The following MACF1 variants were observed in gnomAD, a reference collection of about 807,000 sequenced individuals.
MACF1 encodes the protein microtubule-actin cross-linking factor 1.
Under a neutral mutation model 854.8 loss-of-function variants are expected in MACF1, and 193 were observed. The ratio of observed to expected loss-of-function variants is 0.23; its 90% confidence interval spans 0.20 to 0.25. MACF1 has a LOEUF of 0.25. Among genes scored for constraint, MACF1 ranks in the 10% least tolerant of loss-of-function variants. MACF1 has a pLI of 1.00. For synonymous variants in MACF1, 3,185 were observed against 3,226.7 expected, an observed-to-expected ratio of 0.99 and a Z score of 0.44; for missense variants, 7,722 against 8,929.1, an observed-to-expected ratio of 0.86 and a Z score of 5.45.
At chr1:39,191,640 T>C (rs540328362) in intron 2 of MACF1, among the ~76,000 whole-genome samples, 1 of 152,348 alleles carries the variant, frequency 6.6e-6, no homozygotes, top group East Asian at 1.9e-4. Context: ...TGTGATGCTG[T>C]GTGATAGCAG....
intron 58 of MACF1, among the ~76,000 whole-genome samples, chr1:39,390,398 G>A (rs1641985914): frequency 1.3e-5 from 2 of 152,316 alleles, no homozygotes; most frequent in Middle Eastern, 3.4e-3. Context: ...AAATGTGGCT[G>A]TTTCAGAAGG....
chr1:39,443,375 T>C (rs1570101661), intron 78 of MACF1, 71 bp from the exon 79 acceptor site: 1 of 1,506,818 alleles, frequency 6.6e-7, no homozygotes, highest in African/African-American at 1.4e-5. Flanking sequence ...ACTCCTCATA[T>C]CATTTGGAAA....
At chr1:39,102,192 A>G (rs971474070) in intron 2 of MACF1, among the ~76,000 whole-genome samples, 2 of 21,556 alleles carry the variant, frequency 9.3e-5, no homozygotes, top group African/African-American at 4.4e-4. Flanking sequence ...GAAGAAAAAG[A>G]AAGAGAGAGA....
intron 2 of MACF1, among the ~76,000 whole-genome samples, chr1:39,088,189 G>T (rs1460885607): frequency 6.6e-6 from 1 of 151,976 alleles, no homozygotes; most frequent in Non-Finnish European, 1.5e-5. Flanking sequence ...AGCCAGGATG[G>T]TCTCCATCTC....
chr1:39,395,543 T>G (rs756225123), intron 58 of MACF1, among the ~76,000 whole-genome samples: 2 of 152,202 alleles, frequency 1.3e-5, no homozygotes, highest in Non-Finnish European at 2.9e-5. Flanking sequence ...ATGCAGGTGT[T>G]TGGTTGATGA....
At chr1:39,405,274 A>C (rs1162934461) in intron 58 of MACF1, among the ~76,000 whole-genome samples, 1 of 152,242 alleles carries the variant, frequency 6.6e-6, no homozygotes, top group Non-Finnish European at 1.5e-5. Flanking sequence ...GGTACAGACT[A>C]ATACTGTGGA....
intron 61 of MACF1, among the ~76,000 whole-genome samples, chr1:39,425,210 A>G (rs1227464025): frequency 6.6e-6 from 1 of 151,652 alleles, no homozygotes; most frequent in East Asian, 1.9e-4. Context: ...AATTCTGTCT[A>G]TTTTACTTTA....
At chr1:39,485,455 G>T (rs1474731673) in intron 100 of MACF1, 83 bp from the exon 101 acceptor site, 1 of 1,431,536 alleles carries the variant, frequency 7.0e-7, no homozygotes, top group Non-Finnish European at 9.3e-7. Flanking sequence ...GATCACACAG[G>T]ATCAGAACCC....
chr1:39,151,494 TC>T (rs1467659113), intron 2 of MACF1, among the ~76,000 whole-genome samples: 3 of 152,176 alleles, frequency 2.0e-5, no homozygotes, highest in African/African-American at 7.2e-5. Context: ...AGCTTTCATT[TC>T]CTGCCATTAT....
Position 39,448,480 on chromosome 1 carries a change from G to A in MACF1, c.20089-114G>A, listed in dbSNP as rs16826152. ...TATGGTTAATTTTAGTTCAAAAAAAGTGGTGATATTCATACTTTATTTGGT... is the reference window on the plus strand; with the variant it reads ...TATGGTTAATTTTAGTTCAAAAAAAATGGTGATATTCATACTTTATTTGGT... On this transcript the variant is annotated intron_variant, in intron 83 of 100. Transcript: ENST00000564288. 0.011 allele frequency: 9,041 copies of A among 815,140 alleles called. 519 individuals carry two copies. In the African/African-American group the frequency reaches 0.13, roughly 12 times the overall value. 50.5% of individuals were successfully genotyped at this position (815,140 alleles called of 1,614,324 possible).
chr1:39,452,009 G>T, intron 85 of MACF1, 147 bp from the exon 86 acceptor site: 1 of 662,766 alleles, frequency 1.5e-6, no homozygotes, highest in Non-Finnish European at 2.5e-6. Flanking sequence ...CGCCCGGCCT[G>T]GTTGTTTTTT....
chr1:39,119,317 CAAAAAAAAAAA>C (rs745686071), intron 2 of MACF1, among the ~76,000 whole-genome samples: 1 of 84,762 alleles, frequency 1.2e-5, no homozygotes, highest in Non-Finnish European at 2.3e-5. Flanking sequence ...AACTCCGTCT[CAAAAAAAAAAA>C]AAAAAAAAAA....
intron 89 of MACF1, chr1:39,456,748 A>C (rs1251903338): frequency 6.6e-6 from 1 of 152,096 alleles, no homozygotes; most frequent in African/African-American, 2.4e-5. Context: ...CTCCTTTTTC[A>C]GCTACGCTTC....
intron 2 of MACF1, among the ~76,000 whole-genome samples, chr1:39,120,391 G>A (rs529370216): frequency 6.6e-6 from 1 of 152,068 alleles, no homozygotes; most frequent in Admixed American, 6.5e-5. Context: ...GAGTGAGACT[G>A]AGTCTCACTC....
At chr1:39,408,353 C>A (rs926434879) in intron 58 of MACF1, among the ~76,000 whole-genome samples, 1 of 152,150 alleles carries the variant, frequency 6.6e-6, no homozygotes, top group South Asian at 2.1e-4. Flanking sequence ...TGAGCGTGAC[C>A]GAATTCCTTT....
intron 45 of MACF1, among the ~76,000 whole-genome samples, chr1:39,358,246 T>C (rs1647766156): frequency 6.6e-6 from 1 of 152,194 alleles, no homozygotes. Flanking sequence ...TCTTTATTTC[T>C]GTCTTTATTT....
chr1:39,260,083 C>T (rs2148344917), intron 6 of MACF1, among the ~76,000 whole-genome samples: 1 of 152,082 alleles, frequency 6.6e-6, no homozygotes, highest in African/African-American at 2.4e-5. Context: ...TTTAAGCAGA[C>T]TTAATGTTCC....
chr1:39,121,291 G>A (rs568335400), intron 2 of MACF1, among the ~76,000 whole-genome samples: 146 of 152,176 alleles, frequency 9.6e-4, no homozygotes, highest in Non-Finnish European at 1.5e-3. Context: ...TAAATAAAAC[G>A]ATGCTTAATC....
rs147654669 is a variant in MACF1 at position 39,235,747 on chromosome 1, C to G, written c.171+4504C>G. 3.5e-3 allele frequency among the ~76,000 whole-genome samples: 527 copies of G among 152,276 alleles called. 6 individuals are homozygous for G. The highest frequency in any genetic ancestry group is 0.012 in the African/African-American group (503 of 41,552). On this transcript the variant is annotated intron_variant, in intron 2 of 100. Transcript: ENST00000564288. ...CCTGTAAATCAGACGTATTCTCTCT[C>G]TGTGTGTGTGACAGGGTTTACTCTG...
Sources: allele counts gnomAD v4.1 joint callset (sites outside exome capture counted in the v4.1 genomes callset), GRCh38; gene constraint gnomAD v4.1.1; transcripts MANE v1.5; gene names NCBI Gene and HGNC (gene_info 2026-07-23, HGNC 2026-07-21).